FAM124B: variants seen among roughly 807,000 people sequenced by gnomAD.
FAM124B encodes protein FAM124B.
FAM124B carries 18 observed loss-of-function variants against 19.7 expected under a neutral mutation model. The ratio of observed to expected loss-of-function variants is 0.92; its 90% CI spans 0.63 to 1.36. The LOEUF is 1.36. Ranked by LOEUF, FAM124B falls within the 40% of genes most tolerant of loss-of-function variation. FAM124B has a pLI of 0.00. For synonymous variants in FAM124B, 223 were observed against 225.2 expected, an observed-to-expected ratio of 0.99 and a Z score of 0.09; for missense variants, 540 against 553.3, an observed-to-expected ratio of 0.98 and a Z score of 0.24.
chr2:224,385,437 T>A (rs570523080), intron 1 of FAM124B, among the ~76,000 whole-genome samples: 3 of 152,346 alleles, frequency 2.0e-5, no homozygotes, highest in South Asian at 4.1e-4. Context: ...TTTAATGTTG[T>A]CATTCTTCAG....
chr2:224,386,542 T>A (rs190770731), intron 1 of FAM124B, among the ~76,000 whole-genome samples: 59 of 152,360 alleles, frequency 3.9e-4, no homozygotes, highest in African/African-American at 1.4e-3. Flanking sequence ...TAGTCGTGCC[T>A]TGCATGTGTT....
At chr2:224,399,867 G>A (rs989317052) in intron 1 of FAM124B, 2 of 152,192 alleles carry the variant, frequency 1.3e-5, no homozygotes, top group Admixed American at 6.5e-5. Context: ...TAAGTGTCAG[G>A]TCATTTCCTG....
intron 1 of FAM124B, 85 bp from the exon 2 acceptor site, chr2:224,380,293 G>T: frequency 8.4e-7 from 1 of 1,187,144 alleles, no homozygotes; most frequent in Non-Finnish European, 1.2e-6. Context: ...TTCACCCTCT[G>T]CCATGCCATG....
chr2:224,401,558 G>C lies in FAM124B; in HGVS notation c.211C>G (p.Leu71Val), dbSNP rs1402888804. Residue 71 changes from leucine to valine, a missense_variant, in exon 1 of 2, where the codon CTC becomes GTC. Transcript: ENST00000409685. ...RSRFPGMSVL[L>V]FLHESPGEDR... ...TCTCCCGGGCTTTCGTGCAGGAAGAGCAACACGGACATCCCTGGAAACCGG... is the reference window on the plus strand; with the variant it reads ...TCTCCCGGGCTTTCGTGCAGGAAGACCAACACGGACATCCCTGGAAACCGG... The C allele has an allele frequency of 3.7e-6, 6 of 1,614,086 alleles. No homozygotes were observed. The highest frequency in any genetic ancestry group is 5.1e-6 in the Non-Finnish European group (6 of 1,180,038).
At chr2:224,381,711 G>A (rs1404013576) in intron 1 of FAM124B, among the ~76,000 whole-genome samples, 1 of 152,056 alleles carries the variant, frequency 6.6e-6, no homozygotes, top group Non-Finnish European at 1.5e-5. Flanking sequence ...GTCGTTGTAG[G>A]TTGATCAGTT....
At chr2:224,388,286 C>T (rs970776940) in intron 1 of FAM124B, among the ~76,000 whole-genome samples, 1 of 152,016 alleles carries the variant, frequency 6.6e-6, no homozygotes. Context: ...TTGATCAGAG[C>T]CTTAAAATTG....
In FAM124B at chr2:224,401,195, G is replaced by A. The variant is rs769909652; in HGVS notation, c.574C>T (p.Pro192Ser). The change falls in exon 1 of 2, where the codon CCC becomes TCC. Residue 192 changes from proline to serine, a missense_variant. Physicochemically the swap from Pro to Ser is moderately conservative, Grantham distance 74. Transcript: ENST00000409685. ...TTGGGGTCCACTGACATTCCCGGGG[G>A]CAGCTGCTTCAGGGAGAGCTGCAGA... The part of the protein sequence containing the change: ...FALQLSLKQL[P>S]PGMSVDPKES... The A allele has an allele frequency of 1.2e-6, 2 of 1,614,172 alleles. No individual in the cohort carries two copies. Among genetic ancestry groups the A allele is most frequent in the South Asian group, 1.1e-5 (1 of 91,080 alleles).
chr2:224,379,379 C>T lies in FAM124B; in HGVS notation c.*194G>A. On this transcript the variant is annotated 3_prime_UTR_variant, in exon 2 of 2. Transcript: ENST00000409685. ...GTGTGTTGGCTGTGTTCTCTTATGA[C>T]TGTGACGGCAAATAAACAATCATTC... 2 of 812,756 alleles carry T rather than the reference C, an allele frequency of 2.5e-6. No individual in the cohort carries two copies. The highest frequency in any genetic ancestry group is 1.7e-5 in the African/African-American group (1 of 57,810). The allele number at this position is 812,756 out of a possible 1,614,324, so 50.3% of individuals were successfully genotyped here. A position where few individuals can be genotyped will look rare whatever the true frequency, so the allele number is the denominator to read the frequency against.
intron 1 of FAM124B, chr2:224,400,034 T>C (rs1008684042): frequency 3.2e-5 from 5 of 155,620 alleles, no homozygotes; most frequent in African/African-American, 1.2e-4. Flanking sequence ...ACACACATGC[T>C]ATGTTAGGTT....
At chr2:224,397,024 ATTTTC>A (rs548378394) in intron 1 of FAM124B, among the ~76,000 whole-genome samples, 17 of 151,510 alleles carry the variant, frequency 1.1e-4, no homozygotes, top group African/African-American at 2.9e-4. Flanking sequence ...TTTAGGCTGG[ATTTTC>A]TTTTCTTTTC....
At chr2:224,400,454 T>G in intron 1 of FAM124B, 1 of 697,696 alleles carries the variant, frequency 1.4e-6, no homozygotes, top group Non-Finnish European at 2.6e-6. Context: ...CTCAGGGAGC[T>G]ATGATGGCAC....
intron 1 of FAM124B, among the ~76,000 whole-genome samples, chr2:224,398,883 AC>A (rs768651535): frequency 1.6e-4 from 25 of 152,208 alleles, no homozygotes; most frequent in Non-Finnish European, 2.9e-4. Flanking sequence ...AAGCTGAGGC[AC>A]AAGAATTGCT....
intron 1 of FAM124B, among the ~76,000 whole-genome samples, chr2:224,388,524 C>T (rs995319506): frequency 6.7e-6 from 1 of 148,940 alleles, no homozygotes; most frequent in Non-Finnish European, 1.5e-5. Flanking sequence ...AATAGGCAAA[C>T]TCATAGAGAC....
intron 1 of FAM124B, chr2:224,400,556 A>G (rs1231120601): frequency 7.4e-6 from 5 of 678,678 alleles, no homozygotes; most frequent in African/African-American, 3.6e-5. Context: ...AAACATAAGT[A>G]TGACTTCAAC....
chr2:224,383,357 T>TC (rs1689755081), intron 1 of FAM124B, among the ~76,000 whole-genome samples: 1 of 152,124 alleles, frequency 6.6e-6, no homozygotes, highest in African/African-American at 2.4e-5. Context: ...GACCTCCTCC[T>TC]CCATATTTCT....
intron 1 of FAM124B, among the ~76,000 whole-genome samples, chr2:224,397,030 T>C (rs79610937): frequency 6.6e-6 from 1 of 152,032 alleles, no homozygotes; most frequent in African/African-American, 2.4e-5. Flanking sequence ...CTGGATTTTC[T>C]TTTCTTTTCT....
Position 224,397,531 on chromosome 2 carries a change from G to T in FAM124B, c.732+3506C>A, listed in dbSNP as rs984568395. On this transcript the variant is annotated intron_variant, in intron 1 of 1. Coordinates refer to ENST00000409685, the MANE Select transcript of FAM124B (RefSeq NM_001122779.2). ...ACTTTGGAACTGGGTAACAGGCAGAGGTTGGAACAGTCTGGAGGGCTCAGA... is the reference window on the plus strand; with the variant it reads ...ACTTTGGAACTGGGTAACAGGCAGATGTTGGAACAGTCTGGAGGGCTCAGA... Among the ~76,000 whole-genome samples the T allele has an allele frequency of 2.6e-5, 4 of 152,214 alleles. No homozygotes were observed. The South Asian group carries it at 8.3e-4, about 31-fold the overall frequency.
chr2:224,398,623 G>T (rs757624336), intron 1 of FAM124B, among the ~76,000 whole-genome samples: 1 of 152,152 alleles, frequency 6.6e-6, no homozygotes, highest in Admixed American at 6.5e-5. Context: ...TTGGAGTGAG[G>T]AAGCAGAAGT....
At chr2:224,394,196 T>C (rs1368289250) in intron 1 of FAM124B, among the ~76,000 whole-genome samples, 1 of 152,112 alleles carries the variant, frequency 6.6e-6, no homozygotes, top group African/African-American at 2.4e-5. Flanking sequence ...GCACTCTCTT[T>C]ACCTCTTCTC....
Sources: allele counts gnomAD v4.1 joint callset (sites outside exome capture counted in the v4.1 genomes callset), GRCh38; gene constraint gnomAD v4.1.1; transcripts MANE v1.5; gene names NCBI Gene and HGNC (gene_info 2026-07-23, HGNC 2026-07-21).